Variants in ANGPT1 observed in about 807,000 individuals in gnomAD.
ANGPT1 encodes the protein angiopoietin-1.
Under a neutral mutation model 62.2 loss-of-function variants are expected in ANGPT1, and 17 were observed. The ratio of observed to expected loss-of-function variants is 0.27; its 90% CI spans 0.19 to 0.41. ANGPT1 has a LOEUF of 0.41. ANGPT1 is among the 10% of genes least tolerant of loss of function. The probability of loss-of-function intolerance (pLI) is 1.00; values close to 1 mark genes in which losing one functional copy is unlikely to be tolerated. For synonymous variants in ANGPT1, 199 were observed against 198.9 expected (o/e 1.00, Z 0.00); for missense variants, 478 against 594.9 (o/e 0.80, Z 2.04).
chr8:107,348,519 C>A (rs1337080145), intron 1 of ANGPT1, among the ~76,000 whole-genome samples: 1 of 151,978 alleles, frequency 6.6e-6, no homozygotes, highest in Non-Finnish European at 1.5e-5. Context: ...TCATTTTTCC[C>A]CCAAATTAGA....
chr8:107,287,913 CAGAA>C (rs1467303292), intron 6 of ANGPT1, among the ~76,000 whole-genome samples: 1 of 152,076 alleles, frequency 6.6e-6, no homozygotes, highest in Admixed American at 6.6e-5. Context: ...CACTGATAGA[CAGAA>C]AACACTTAAA....
At chr8:107,442,271 G>A (rs774349611) in intron 1 of ANGPT1, among the ~76,000 whole-genome samples, 1 of 152,196 alleles carries the variant, frequency 6.6e-6, no homozygotes, top group African/African-American at 2.4e-5. Flanking sequence ...CTGTGGCAAT[G>A]TAAATGACAG....
intron 4 of ANGPT1, among the ~76,000 whole-genome samples, chr8:107,303,596 T>C (rs1162899917): frequency 6.6e-6 from 1 of 151,424 alleles, no homozygotes; most frequent in Non-Finnish European, 1.5e-5. Context: ...TGAATGCTTA[T>C]ATTTTACTTA....
chr8:107,328,237 A>G (rs1194881073), intron 3 of ANGPT1, among the ~76,000 whole-genome samples: 1 of 152,098 alleles, frequency 6.6e-6, no homozygotes, highest in Non-Finnish European at 1.5e-5. Flanking sequence ...TGTAAAGAGT[A>G]ATTTTTCTCC....
chr8:107,277,576 G>A (rs1318835403), intron 7 of ANGPT1, among the ~76,000 whole-genome samples: 1 of 152,152 alleles, frequency 6.6e-6, no homozygotes, highest in Non-Finnish European at 1.5e-5. Context: ...GAATTTTGGA[G>A]AGAATAGGTA....
chr8:107,305,553 T>G (rs1814694701), intron 4 of ANGPT1, among the ~76,000 whole-genome samples: 1 of 151,962 alleles, frequency 6.6e-6, no homozygotes, highest in African/African-American at 2.4e-5. Flanking sequence ...ATTAACTTAT[T>G]TTTGTGAAAA....
chr8:107,330,236 C>T (rs1050768846), intron 3 of ANGPT1, among the ~76,000 whole-genome samples: 2 of 152,154 alleles, frequency 1.3e-5, no homozygotes, highest in Admixed American at 6.6e-5. Flanking sequence ...ATCTTAACTT[C>T]ATACAGTACA....
chr8:107,312,996 C>T (rs1434329557), intron 4 of ANGPT1, among the ~76,000 whole-genome samples: 1 of 151,960 alleles, frequency 6.6e-6, no homozygotes, highest in Non-Finnish European at 1.5e-5. Context: ...GTCTGTGTGT[C>T]CATGAGGCCT....
At chr8:107,482,238 T>A (rs528567834) in intron 1 of ANGPT1, among the ~76,000 whole-genome samples, 1 of 152,378 alleles carries the variant, frequency 6.6e-6, no homozygotes, top group East Asian at 1.9e-4. Flanking sequence ...ATTATGTTCA[T>A]TGGGCTGTCA....
chr8:107,466,169 T>C (rs1434898057), intron 1 of ANGPT1, among the ~76,000 whole-genome samples: 1 of 152,144 alleles, frequency 6.6e-6, no homozygotes, highest in African/African-American at 2.4e-5. Flanking sequence ...TGCAATTCAA[T>C]TACTTAAATA....
intron 1 of ANGPT1, among the ~76,000 whole-genome samples, chr8:107,481,850 C>T (rs1812697570): frequency 6.6e-6 from 1 of 152,156 alleles, no homozygotes; most frequent in South Asian, 2.1e-4. Flanking sequence ...ATGAGAACAG[C>T]ATGGGAAAAC....
Position 107,497,513 on chromosome 8 carries a change from G to A in ANGPT1, c.46C>T (p.His16Tyr). The A allele has an allele frequency of 6.2e-7, 1 of 1,614,090 alleles. No individual in the cohort carries two copies. The highest frequency in any genetic ancestry group is 8.5e-7 in the Non-Finnish European group (1 of 1,180,022). Residue 16 changes from histidine to tyrosine, a missense_variant, in exon 1 of 9, where the codon CAC becomes TAC. Transcript: ENST00000517746. The stretch of plus-strand genomic sequence containing the variant: ...CGGCGCTGATTGCTGCACCCTATGT[G>A]AGTCAGAATGGCAGCGAGGAAAGCA... ...SFAFLAAILTHIGCSNQRRSP... is the reference protein window; with the variant it reads ...SFAFLAAILTYIGCSNQRRSP...
At chr8:107,445,914 A>AATTT (rs1324935405) in intron 1 of ANGPT1, among the ~76,000 whole-genome samples, 1 of 152,108 alleles carries the variant, frequency 6.6e-6, no homozygotes, top group Non-Finnish European at 1.5e-5. Context: ...TTAATTAATT[A>AATTT]ATTAACTAAT....
chr8:107,319,008 C>T (rs1815087758), intron 4 of ANGPT1, among the ~76,000 whole-genome samples: 1 of 152,116 alleles, frequency 6.6e-6, no homozygotes, highest in Admixed American at 6.5e-5. Flanking sequence ...CACTCCGGGG[C>T]ATTGTATTTA....
At chr8:107,429,483 G>A (rs1413299056) in intron 1 of ANGPT1, among the ~76,000 whole-genome samples, 3 of 152,122 alleles carry the variant, frequency 2.0e-5, no homozygotes, top group African/African-American at 7.2e-5. Context: ...ATGACACTGA[G>A]CGGGACACTC....
chr8:107,370,170 G>C (rs929738077), intron 1 of ANGPT1, among the ~76,000 whole-genome samples: 1 of 98,748 alleles, frequency 1.0e-5, no homozygotes, highest in African/African-American at 3.7e-5. Flanking sequence ...GAAAGAAAGA[G>C]AGAAAGAAGA....
intron 1 of ANGPT1, among the ~76,000 whole-genome samples, chr8:107,366,720 C>G (rs1156647885): frequency 6.6e-6 from 1 of 152,176 alleles, no homozygotes; most frequent in African/African-American, 2.4e-5. Context: ...GTCCAGCGAT[C>G]CCTACCTCAT....
In ANGPT1 at chr8:107,363,373, A is replaced by G. The variant is rs916777478; in HGVS notation, c.298-16276T>C. ...TGAATTCTCTGGTGTAACTGCATATACAGTTATCAATAAGAAGACAATGAA... is the reference window on the plus strand; with the variant it reads ...TGAATTCTCTGGTGTAACTGCATATGCAGTTATCAATAAGAAGACAATGAA... On this transcript the variant is annotated intron_variant, in intron 1 of 8. Transcript: ENST00000517746. 2.0e-5 allele frequency among the ~76,000 whole-genome samples: 3 copies of G among 152,230 alleles called. No homozygotes were observed. In the East Asian group the frequency reaches 5.8e-4, roughly 29 times the overall value.
chr8:107,471,436 A>C (rs545998166), intron 1 of ANGPT1, among the ~76,000 whole-genome samples: 1 of 152,230 alleles, frequency 6.6e-6, no homozygotes, highest in African/African-American at 2.4e-5. Flanking sequence ...GGATAGCATT[A>C]GAAGAAATAC....
Sources: gnomAD v4.1 joint callset for allele counts (sites outside exome capture counted in the v4.1 genomes callset) on GRCh38, gnomAD v4.1.1 for gene constraint, MANE v1.5 for transcripts, NCBI Gene and HGNC (gene_info 2026-07-23, HGNC 2026-07-21) for gene names.